SLC35F1: variants seen among roughly 807,000 people sequenced by gnomAD.
The protein encoded by SLC35F1 is chromosome 6 open reading frame 169.
In SLC35F1, 14 loss-of-function variants were observed where a neutral mutation model predicts 48.7. That is an observed-to-expected ratio of 0.29 (90% CI 0.19 to 0.45). The LOEUF (loss-of-function observed/expected upper bound fraction) is 0.45. Among genes scored for constraint, SLC35F1 ranks in the 20% least tolerant of loss-of-function variants. The pLI, the probability that SLC35F1 is intolerant of heterozygous loss-of-function variation, is 1.00. For missense variants in SLC35F1, 404 were observed against 500.0 expected (o/e 0.81, Z 1.83); for synonymous variants, 190 against 202.2 (o/e 0.94, Z 0.51).
At chr6:117,981,352 G>A (rs555224958) in intron 1 of SLC35F1, among the ~76,000 whole-genome samples, 1 of 152,246 alleles carries the variant, frequency 6.6e-6, no homozygotes, top group African/African-American at 2.4e-5. Flanking sequence ...ACTGGAGGAG[G>A]CCATCCAGGG....
rs573818793 is a variant in SLC35F1 at position 118,031,279 on chromosome 6, C to T, written c.174-123166C>T. Among the ~76,000 whole-genome samples, 5 of 152,094 alleles carry T rather than the reference C, an allele frequency of 3.3e-5. No individual in the cohort carries two copies. In the South Asian group the frequency reaches 6.2e-4, roughly 19 times the overall value. On this transcript the variant is annotated intron_variant, in intron 1 of 7. Transcript: ENST00000360388. ...TTTTTAAGTAAATGTATGTCTTAAACGATAAGTTATTTCTGCATGAAATAC... is the reference window on the plus strand; with the variant it reads ...TTTTTAAGTAAATGTATGTCTTAAATGATAAGTTATTTCTGCATGAAATAC...
rs541566612 is a variant in SLC35F1, at chr6:118,000,276, G to A, written c.173+92377G>A. Among the ~76,000 whole-genome samples the A allele has an allele frequency of 2.6e-5, 4 of 152,254 alleles. No individual in the cohort carries two copies. In the South Asian group the frequency reaches 8.3e-4, roughly 32 times the overall value. On this transcript the variant is annotated intron_variant, in intron 1 of 7. Coordinates refer to ENST00000360388, the MANE Select transcript of SLC35F1 (RefSeq NM_001029858.4). Reference sequence around the variant, plus strand: ...ATGATCAAGGGGGCTTCATCCCTGTGATGCAAGGCTGGTTCAATATATGCA... The same window carrying A: ...ATGATCAAGGGGGCTTCATCCCTGTAATGCAAGGCTGGTTCAATATATGCA...
chr6:118,155,842 A>C (rs751841598), intron 2 of SLC35F1, among the ~76,000 whole-genome samples: 10 of 152,230 alleles, frequency 6.6e-5, no homozygotes, highest in Non-Finnish European at 1.3e-4. Context: ...ATCAATTTCA[A>C]TAGTCACACT....
chr6:117,999,842 A>G (rs1228524417), intron 1 of SLC35F1, among the ~76,000 whole-genome samples: 2 of 152,096 alleles, frequency 1.3e-5, no homozygotes, highest in East Asian at 3.9e-4. Context: ...TAAACTAGAA[A>G]ATCTAGAAGA....
chr6:118,040,593 T>C (rs9401050), intron 1 of SLC35F1, among the ~76,000 whole-genome samples: 34,214 of 151,962 alleles, frequency 0.23, 4,049 homozygotes, highest in East Asian at 0.34. Context: ...AGTGTTTCCA[T>C]AGTCAAATTA....
At chr6:118,160,262 G>C (rs1350068556) in intron 2 of SLC35F1, among the ~76,000 whole-genome samples, 2 of 152,158 alleles carry the variant, frequency 1.3e-5, no homozygotes, top group Non-Finnish European at 2.9e-5. Context: ...TTGGTGACTG[G>C]TTCTGCAAGT....
intron 1 of SLC35F1, among the ~76,000 whole-genome samples, chr6:118,034,056 C>T (rs1772092531): frequency 6.6e-6 from 1 of 152,140 alleles, no homozygotes; most frequent in South Asian, 2.1e-4. Context: ...TGTGAACCCA[C>T]TTCAGATAGT....
intron 3 of SLC35F1, among the ~76,000 whole-genome samples, chr6:118,264,137 G>T (rs571436088): frequency 4.9e-4 from 75 of 152,316 alleles, no homozygotes; most frequent in African/African-American, 1.7e-3. Flanking sequence ...CCCTCCAGGG[G>T]CGTTTGCAAA....
intron 1 of SLC35F1, among the ~76,000 whole-genome samples, chr6:118,037,914 A>C (rs2114899001): frequency 6.6e-6 from 1 of 152,270 alleles, no homozygotes; most frequent in Admixed American, 6.5e-5. Flanking sequence ...CAAATACCTA[A>C]TGCATGCAGG....
intron 1 of SLC35F1, among the ~76,000 whole-genome samples, chr6:117,937,726 T>G (rs1249380967): frequency 2.0e-5 from 3 of 152,222 alleles, no homozygotes; most frequent in Non-Finnish European, 4.4e-5. Context: ...CCTTAGAGAT[T>G]ATGAGTACAC....
At chr6:117,999,517 G>T (rs1777056118) in intron 1 of SLC35F1, 1 of 1,026,606 alleles carries the variant, frequency 9.7e-7, no homozygotes, top group South Asian at 1.5e-5. Context: ...GCTATCATCT[G>T]CATGGGGCTG....
chr6:118,054,901 C>G (rs142891000), intron 1 of SLC35F1, among the ~76,000 whole-genome samples: 1 of 152,078 alleles, frequency 6.6e-6, no homozygotes, highest in African/African-American at 2.4e-5. Context: ...CTCAGCCTCC[C>G]GAGTAGCTAG....
intron 2 of SLC35F1, among the ~76,000 whole-genome samples, chr6:118,170,772 T>C (rs1326829045): frequency 6.6e-6 from 1 of 152,054 alleles, no homozygotes; most frequent in Non-Finnish European, 1.5e-5. Flanking sequence ...ATCTTTTAAA[T>C]TACCCAAGTA....
chr6:117,934,515 G>C (rs746428814), intron 1 of SLC35F1, among the ~76,000 whole-genome samples: 1 of 152,062 alleles, frequency 6.6e-6, no homozygotes, highest in African/African-American at 2.4e-5. Flanking sequence ...TTTGCACAAC[G>C]TATTTTAAAA....
chr6:118,111,036 A>G (rs1014789117), intron 1 of SLC35F1, among the ~76,000 whole-genome samples: 2 of 152,078 alleles, frequency 1.3e-5, no homozygotes, highest in Admixed American at 6.6e-5. Context: ...TTAAAATTAT[A>G]ATTTTCTCCT....
intron 4 of SLC35F1, among the ~76,000 whole-genome samples, chr6:118,269,749 A>C (rs1283760284): frequency 6.6e-6 from 1 of 152,144 alleles, no homozygotes; most frequent in Non-Finnish European, 1.5e-5. Context: ...AGTCCATATA[A>C]GATGTCATCA....
At chr6:118,268,160 A>G (rs1310908201) in intron 4 of SLC35F1, among the ~76,000 whole-genome samples, 1 of 152,198 alleles carries the variant, frequency 6.6e-6, no homozygotes, top group Non-Finnish European at 1.5e-5. Flanking sequence ...TGTAATTGAC[A>G]TATGTGAACA....
intron 5 of SLC35F1, among the ~76,000 whole-genome samples, chr6:118,276,413 T>C (rs889223987): frequency 5.3e-5 from 8 of 152,224 alleles, no homozygotes; most frequent in Non-Finnish European, 1.2e-4. Flanking sequence ...CACTTTCTAA[T>C]TGCATGGGTT....
chr6:118,299,200 A>G, intron 7 of SLC35F1, among the ~76,000 whole-genome samples: 1 of 151,944 alleles, frequency 6.6e-6, no homozygotes, highest in East Asian at 1.9e-4. Flanking sequence ...AAACAATAAA[A>G]CCTTTTATTG....
Sources: gnomAD v4.1 joint callset for allele counts (sites outside exome capture counted in the v4.1 genomes callset) on GRCh38, gnomAD v4.1.1 for gene constraint, MANE v1.5 for transcripts, NCBI Gene and HGNC (gene_info 2026-07-23, HGNC 2026-07-21) for gene names.